The following A2ML1 variants were observed in gnomAD, a reference collection of about 807,000 sequenced individuals.
A2ML1 encodes alpha-2-macroglobulin like 1.
A neutral mutation model predicts 181.9 loss-of-function variants in A2ML1; 161 were observed. That is an observed-to-expected ratio of 0.89 (90% CI 0.78 to 1.01). A2ML1 has a LOEUF of 1.01. Ranked by LOEUF, A2ML1 falls within the 50% of genes least tolerant of loss-of-function variation. The pLI is 0.00. For missense variants in A2ML1, 1,670 were observed against 1,768.1 expected (o/e 0.94, Z 1.00); for synonymous variants, 663 against 666.8 (o/e 0.99, Z 0.09).
At chr12:8,869,648 A>G (rs1356414875) in intron 33 of A2ML1, among the ~76,000 whole-genome samples, 1 of 151,764 alleles carries the variant, frequency 6.6e-6, no homozygotes, top group Non-Finnish European at 1.5e-5. Context: ...CTCAATTCTG[A>G]CTGACCTCAT....
At chr12:8,871,825 C>T (rs1201894421) in intron 33 of A2ML1, among the ~76,000 whole-genome samples, 1 of 152,076 alleles carries the variant, frequency 6.6e-6, no homozygotes, top group Non-Finnish European at 1.5e-5. Context: ...CACTCCCCCA[C>T]CGCCACACAC....
chr12:8,882,936 G>A (rs1420951170), intron 7 of A2ML1, among the ~76,000 whole-genome samples: 4 of 151,948 alleles, frequency 2.6e-5, no homozygotes, highest in Non-Finnish European at 5.9e-5. Context: ...CCCCCTCCCC[G>A]CCAGCTCCAT....
chr12:8,826,397 T>C (rs1467501646), intron 3 of A2ML1, among the ~76,000 whole-genome samples: 2 of 152,158 alleles, frequency 1.3e-5, no homozygotes, highest in African/African-American at 4.8e-5. Flanking sequence ...GAATTATCTT[T>C]CTTAATTTCT....
At chr12:8,838,774 T>C (rs1943370527) in intron 9 of A2ML1, among the ~76,000 whole-genome samples, 1 of 151,560 alleles carries the variant, frequency 6.6e-6, no homozygotes, top group Non-Finnish European at 1.5e-5. Flanking sequence ...TAGCCGGGCA[T>C]GGTGACGGGG....
chr12:8,829,673 A>AAT, intron 3 of A2ML1, 54 bp from the exon 4 acceptor site: 12 of 1,551,990 alleles, frequency 7.7e-6, no homozygotes, highest in Non-Finnish European at 1.0e-5. Flanking sequence ...AAAAAAAAAA[A>AAT]AAATTCTGAG....
chr12:8,867,531 C>T (rs989006380), intron 29 of A2ML1, among the ~76,000 whole-genome samples: 2 of 152,096 alleles, frequency 1.3e-5, no homozygotes, highest in African/African-American at 2.4e-5. Context: ...CCTGTAATCC[C>T]AGCTACTTGG....
At position 8,850,146 on chromosome 12, in the gene A2ML1, C is replaced by T. The variant is rs1428282921; in HGVS notation, c.2120-14C>T. On this transcript the variant is annotated splice_polypyrimidine_tract_variant and intron_variant, in intron 17 of 35. Transcript: ENST00000299698. ...TCCTGTTTCCTAAAGTTTTCGTATT[C>T]TCAATTTCATCAGCAGGCGGTGGTC... is the stretch of plus-strand genomic sequence containing the variant. 4 of 1,585,996 alleles carry T rather than the reference C, an allele frequency of 2.5e-6. No individual in the cohort carries two copies. In the African/African-American group the frequency reaches 5.5e-5, roughly 22 times the overall value.
At chr12:8,841,638 A>G (rs974813748) in intron 11 of A2ML1, 102 bp downstream of exon 11, 9 of 1,248,300 alleles carry the variant, frequency 7.2e-6, no homozygotes, top group East Asian at 2.4e-5. Context: ...TTGGAATTAC[A>G]TCTTTCTCAC....
rs1480084603 is a variant in A2ML1, at chr12:8,868,775, T to C, written c.4152+148T>C. 6.2e-6 allele frequency: 4 copies of C among 643,490 alleles called. No homozygotes were observed. In the East Asian group the frequency reaches 1.1e-4, roughly 18 times the overall value. The allele number at this position is 643,490 out of a possible 1,614,324, so 39.9% of individuals were successfully genotyped here. Reference sequence around the variant, plus strand: ...ATACATATATATGTATGTATATGTATGTACACTTGTAAGAAAAGTAGTTTT... The same window carrying C: ...ATACATATATATGTATGTATATGTACGTACACTTGTAAGAAAAGTAGTTTT... On this transcript the variant is annotated intron_variant, in intron 32 of 35. Transcript: ENST00000299698.
intron 15 of A2ML1, among the ~76,000 whole-genome samples, chr12:8,848,134 CAA>C (rs755571563): frequency 2.1e-5 from 2 of 93,424 alleles, no homozygotes. Flanking sequence ...GTCTCAAAAA[CAA>C]AAAAAAAAAA....
chr12:8,872,564 G>A (rs368159997), intron 33 of A2ML1, among the ~76,000 whole-genome samples: 4 of 151,870 alleles, frequency 2.6e-5, no homozygotes, highest in East Asian at 1.9e-4. Flanking sequence ...GGTGGATCAC[G>A]AGATCAGGAG....
chr12:8,841,350 A>G lies in A2ML1; in HGVS notation c.1081-19A>G, dbSNP rs766986325. The G allele has an allele frequency of 4.3e-6, 7 of 1,611,986 alleles. No individual in the cohort carries two copies. The African/African-American group carries it at 6.7e-5, about 15-fold the overall frequency. The stretch of plus-strand genomic sequence containing the variant: ...TACTCCAAACCTAATTCTAATCCGT[A>G]ATGATCTTTGTCCTTCAGATAAGAG... On this transcript the variant is annotated intron_variant, in intron 10 of 35. Transcript: ENST00000299698.
chr12:8,865,539 TC>T (rs1021615254), intron 29 of A2ML1, among the ~76,000 whole-genome samples: 2 of 152,128 alleles, frequency 1.3e-5, no homozygotes, highest in Non-Finnish European at 2.9e-5. Flanking sequence ...AAACTCCGTC[TC>T]AACAACAACA....
chr12:8,847,153 T>A (rs1435114132), intron 14 of A2ML1, among the ~76,000 whole-genome samples: 10 of 142,774 alleles, frequency 7.0e-5, no homozygotes, highest in Non-Finnish European at 1.5e-4. Context: ...TTCACCATGT[T>A]AGCCAGGCTG....
At position 8,851,228 on chromosome 12, in the gene A2ML1, C is replaced by T. The variant is rs765453530; in HGVS notation, c.2235-556C>T. Among the ~76,000 whole-genome samples, 10 of 152,316 alleles carry T rather than the reference C, an allele frequency of 6.6e-5. No homozygotes were observed. In the South Asian group the frequency reaches 1.0e-3, roughly 16 times the overall value. The stretch of plus-strand genomic sequence containing the variant: ...CCCTGAGACCACACATCCTCAGACT[C>T]AGAGGGCACCAGCCTCTCTGTCAGA... On this transcript the variant is annotated intron_variant, in intron 18 of 35. Coordinates refer to ENST00000299698, the MANE Select transcript of A2ML1 (RefSeq NM_144670.6).
intron 8 of A2ML1, among the ~76,000 whole-genome samples, chr12:8,837,797 T>C (rs1290753275): frequency 1.3e-5 from 2 of 151,150 alleles, no homozygotes; most frequent in Non-Finnish European, 2.9e-5. Flanking sequence ...GGAGAATCAC[T>C]TGAACCCGGG....
Position 8,822,695 on chromosome 12 carries a change from C to T in A2ML1, c.44C>T (p.Ala15Val). The stretch of plus-strand genomic sequence containing the variant: ...CTAGGAATGTTGGCCCTATCACCAG[C>T]CATTGCAGAAGAACTTCCGTGAGTG... ...LLLGMLALSP[A>V]IAEELPNYLV... Residue 15 changes from alanine (A) to valine (V), a missense_variant, in exon 1 of 36, where the codon GCC (alanine) becomes GTC (valine). Coordinates refer to ENST00000299698, the MANE Select transcript of A2ML1 (RefSeq NM_144670.6). 1.9e-6 allele frequency: 3 copies of T among 1,614,156 alleles called. No individual in the cohort carries two copies. The highest frequency in any genetic ancestry group is 2.5e-6 in the Non-Finnish European group (3 of 1,179,992).
rs74545189 is a variant in A2ML1, at chr12:8,850,186, G to C, written c.2146G>C (p.Glu716Gln). 2 of 1,611,954 alleles carry C rather than the reference G, an allele frequency of 1.2e-6. No individual in the cohort carries two copies. Among genetic ancestry groups the C allele is most frequent in the South Asian group, 1.1e-5 (1 of 90,764 alleles). ...AGGCGGTGGTCATCCAGAGGCTTTT[G>C]AGTCATCAACTCCTTTACATCAAGC... ...GAGGGHPEAFESSTPLHQAED... is the reference protein window; with the variant it reads ...GAGGGHPEAFQSSTPLHQAED... Residue 716 changes from glutamate (E) to glutamine (Q), a missense_variant, in exon 18 of 36, where the codon GAG (glutamate) becomes CAG (glutamine). By Grantham distance (29) the Glu-to-Gln change is conservative. Transcript: ENST00000299698.
Position 8,843,280 on chromosome 12 carries a change from C to A in A2ML1, c.1395C>A (p.Gly465=). 1 of 1,614,166 alleles carries A rather than the reference C, an allele frequency of 6.2e-7. No individual in the cohort carries two copies. The highest frequency in any genetic ancestry group is 1.1e-5 in the South Asian group (1 of 91,080). ...GGCTAAACGGCCCCTTGAAATGTGG[C>A]CAGCCCCAGGAAGTGCTGGTGGATT... ...IHRLNGPLKC[G]QPQEVLVDYY... Residue 465 remains glycine (G), a synonymous_variant, in exon 12 of 36, where the codon GGC becomes GGA. Coordinates refer to ENST00000299698, the MANE Select transcript of A2ML1 (RefSeq NM_144670.6).
Sources: gnomAD v4.1 joint callset for allele counts (sites outside exome capture counted in the v4.1 genomes callset) on GRCh38, gnomAD v4.1.1 for gene constraint, MANE v1.5 for transcripts, NCBI Gene and HGNC (gene_info 2026-07-23, HGNC 2026-07-21) for gene names.